The following NRIP1 variants were observed in gnomAD, a reference collection of about 807,000 sequenced individuals.
NRIP1 encodes nuclear receptor interacting protein 1, also known as nuclear receptor-interacting protein 1.
In NRIP1, 28 loss-of-function variants were observed where a neutral mutation model predicts 75.0. The ratio of observed to expected loss-of-function variants is 0.37; its 90% CI spans 0.28 to 0.51. The LOEUF is 0.51. NRIP1 is among the 20% of genes least tolerant of loss of function. NRIP1 has a pLI of 0.92. For missense variants in NRIP1, 1,435 were observed against 1,343.7 expected, an observed-to-expected ratio of 1.07 and a Z score of -1.06; for synonymous variants, 526 against 487.6, an observed-to-expected ratio of 1.08 and a Z score of -1.04.
rs1229509983 is a variant in NRIP1, at chr21:14,961,643, G to C, written c.*3073C>G. 1 of 152,408 alleles carries C rather than the reference G, an allele frequency of 6.6e-6. No individual in the cohort carries two copies. The highest frequency in any genetic ancestry group is 1.5e-5 in the Non-Finnish European group (1 of 67,904). The allele number at this position is 152,408 out of a possible 1,614,324, so 9.4% of individuals were successfully genotyped here. On this transcript the variant is annotated 3_prime_UTR_variant, in exon 4 of 4. Coordinates refer to ENST00000318948, the MANE Select transcript of NRIP1 (RefSeq NM_003489.4). Reference sequence around the variant, plus strand: ...GCTTAAACCACAGACGTCATGTCCAGAAATGGAATACTGTCATGTTAGGAT... The same window carrying C: ...GCTTAAACCACAGACGTCATGTCCACAAATGGAATACTGTCATGTTAGGAT...
At chr21:15,010,195 G>T (rs1358579390) in intron 3 of NRIP1, among the ~76,000 whole-genome samples, 1 of 152,200 alleles carries the variant, frequency 6.6e-6, no homozygotes, top group African/African-American at 2.4e-5. Flanking sequence ...AAAATTTTCA[G>T]ATATGCAAAC....
chr21:15,046,823 T>C (rs998344990), intron 1 of NRIP1, among the ~76,000 whole-genome samples: 1 of 152,188 alleles, frequency 6.6e-6, no homozygotes, highest in African/African-American at 2.4e-5. Context: ...TCGTGCACTT[T>C]TATGTTATCC....
At chr21:14,971,875 G>T (rs2086910357) in intron 3 of NRIP1, among the ~76,000 whole-genome samples, 2 of 152,158 alleles carry the variant, frequency 1.3e-5, no homozygotes, top group African/African-American at 2.4e-5. Flanking sequence ...AGATTTAAAA[G>T]GAAGATGAAT....
chr21:14,990,626 G>C (rs1318206923), intron 3 of NRIP1, among the ~76,000 whole-genome samples: 1 of 152,204 alleles, frequency 6.6e-6, no homozygotes, highest in African/African-American at 2.4e-5. Context: ...TCTTAAAAGA[G>C]ATGCTGGTGT....
chr21:14,968,186 G>C lies in NRIP1; in HGVS notation c.7C>G (p.His3Asp). The part of the protein sequence containing the change: MT[H>D]GEELGSDVHQ... The stretch of plus-strand genomic sequence containing the variant: ...ACATCAGAGCCAAGCTCTTCTCCAT[G>C]AGTCATGTTCAATAGAAGTGTTCAC... Residue 3 changes from histidine to aspartate, a missense_variant, in exon 4 of 4, where the codon CAT (histidine) becomes GAT (aspartate). Coordinates refer to ENST00000318948, the MANE Select transcript of NRIP1 (RefSeq NM_003489.4). 6.2e-7 allele frequency: 1 copy of C among 1,607,372 alleles called. No individual in the cohort carries two copies. Among genetic ancestry groups the C allele is most frequent in the Non-Finnish European group, 8.5e-7 (1 of 1,176,310 alleles).
At position 14,999,568 on chromosome 21, in the gene NRIP1, A is replaced by T. The variant is rs575231308; in HGVS notation, c.-335+14776T>A. On this transcript the variant is annotated intron_variant, in intron 3 of 3. Coordinates refer to ENST00000318948, the MANE Select transcript of NRIP1 (RefSeq NM_003489.4). ...TTAAAAAAAAAATCACTTTTTTAAA[A>T]GCTAGATGATTTGTGTTTTAGCCCT... Among the ~76,000 whole-genome samples the T allele has an allele frequency of 6.5e-4, 99 of 152,350 alleles. 1 individual carries two copies. The highest frequency in any genetic ancestry group is 2.3e-3 in the African/African-American group (96 of 41,596).
In NRIP1 at chr21:14,962,109, C is replaced by G. The variant is rs936057744; in HGVS notation, c.*2607G>C. 5 of 149,674 alleles carry G rather than the reference C, an allele frequency of 3.3e-5. No individual in the cohort carries two copies. The highest frequency in any genetic ancestry group is 1.2e-4 in the African/African-American group (5 of 40,952). 9.3% of individuals were successfully genotyped at this position (149,674 alleles called of 1,614,324 possible). A position where few individuals can be genotyped will look rare whatever the true frequency, so the allele number is the denominator to read the frequency against. On this transcript the variant is annotated 3_prime_UTR_variant, in exon 4 of 4. Coordinates refer to ENST00000318948, the MANE Select transcript of NRIP1 (RefSeq NM_003489.4). ...GCAGAGAATAAACAGGTAATGAATG[C>G]TACCTTACTGATGTCAATAAGCTGT...
rs753205102 is a variant in NRIP1, at chr21:14,965,641, T to A, written c.2552A>T (p.Asn851Ile). ...NNEMALLESKNLCMVPKKRKL... is the reference protein window; with the variant it reads ...NNEMALLESKILCMVPKKRKL... ...CCTTTTCTTAGGGACCATGCAAAGA[T>A]TCTTTGATTCTAGAAGTGCCATTTC... The change falls in exon 4 of 4, where the codon AAT (asparagine) becomes ATT (isoleucine). Residue 851 changes from asparagine to isoleucine, a missense_variant. By Grantham distance (149) the Asn-to-Ile change is moderately radical. Transcript: ENST00000318948. 5 of 1,613,276 alleles carry A rather than the reference T, an allele frequency of 3.1e-6. No individual in the cohort carries two copies. In the South Asian group the frequency reaches 3.3e-5, roughly 11 times the overall value.
chr21:15,050,993 G>A (rs1432143890), intron 1 of NRIP1: 1 of 434,438 alleles, frequency 2.3e-6, no homozygotes, highest in Non-Finnish European at 4.6e-6. Flanking sequence ...AGTAGCAGTA[G>A]CATTTACCTA....
chr21:14,993,615 T>C (rs886902654), intron 3 of NRIP1, among the ~76,000 whole-genome samples: 1 of 151,506 alleles, frequency 6.6e-6, no homozygotes, highest in Non-Finnish European at 1.5e-5. Flanking sequence ...ACCCCATCTC[T>C]AAAAAAATAA....
chr21:15,019,892 G>A (rs145308999), intron 2 of NRIP1, among the ~76,000 whole-genome samples: 301 of 152,172 alleles, frequency 2.0e-3, no homozygotes, highest in African/African-American at 6.5e-3. Flanking sequence ...AGCCAGGCAC[G>A]GTGGCTCACG....
rs1344080910 is a variant in NRIP1 at position 14,962,734 on chromosome 21, A to G, written c.*1982T>C. ...CTTCACTTCTCCATGATGTTGCATA[A>G]TACCCACTCCTATTACTGTATAATA... On this transcript the variant is annotated 3_prime_UTR_variant, in exon 4 of 4. Coordinates refer to ENST00000318948, the MANE Select transcript of NRIP1 (RefSeq NM_003489.4). The G allele has an allele frequency of 6.6e-6, 1 of 152,492 alleles. No homozygotes were observed. Among genetic ancestry groups the G allele is most frequent in the Non-Finnish European group, 1.5e-5 (1 of 67,952 alleles). 9.4% of individuals were successfully genotyped at this position (152,492 alleles called of 1,614,324 possible).
At chr21:14,981,329 T>C (rs1478406780) in intron 3 of NRIP1, among the ~76,000 whole-genome samples, 7 of 152,260 alleles carry the variant, frequency 4.6e-5, no homozygotes, top group Non-Finnish European at 1.0e-4. Flanking sequence ...TTTGCCCATC[T>C]ATCCATACAA....
intron 2 of NRIP1, among the ~76,000 whole-genome samples, chr21:15,026,052 C>A (rs2088511237): frequency 6.6e-6 from 1 of 152,082 alleles, no homozygotes; most frequent in Admixed American, 6.6e-5. Flanking sequence ...GTTTCCAGGA[C>A]AAGGTCTTGT....
At chr21:15,054,569 T>C (rs1176312287) in intron 1 of NRIP1, among the ~76,000 whole-genome samples, 1 of 152,164 alleles carries the variant, frequency 6.6e-6, no homozygotes, top group African/African-American at 2.4e-5. Context: ...AAGGAAAAAA[T>C]ATTGTTCCTT....
chr21:15,030,821 G>A (rs1488298352), intron 2 of NRIP1, among the ~76,000 whole-genome samples: 1 of 152,128 alleles, frequency 6.6e-6, no homozygotes, highest in Non-Finnish European at 1.5e-5. Flanking sequence ...CCCTTTCTAT[G>A]TGTATACACT....
chr21:15,005,857 C>G (rs917958936), intron 3 of NRIP1, among the ~76,000 whole-genome samples: 1 of 151,964 alleles, frequency 6.6e-6, no homozygotes, highest in Non-Finnish European at 1.5e-5. Flanking sequence ...AGTAAACAAC[C>G]CTTCCATTGT....
At chr21:15,043,921 C>T (rs910708305) in intron 1 of NRIP1, among the ~76,000 whole-genome samples, 1 of 152,132 alleles carries the variant, frequency 6.6e-6, no homozygotes, top group African/African-American at 2.4e-5. Flanking sequence ...CAGGTCCAAG[C>T]GATTCTCCCA....
chr21:15,055,375 C>T (rs140804171), intron 1 of NRIP1, among the ~76,000 whole-genome samples: 151 of 152,286 alleles, frequency 9.9e-4, no homozygotes, highest in African/African-American at 3.6e-3. Flanking sequence ...TCCAAATGTA[C>T]GTAACATGTA....
Sources: allele counts gnomAD v4.1 joint callset (sites outside exome capture counted in the v4.1 genomes callset), GRCh38; gene constraint gnomAD v4.1.1; transcripts MANE v1.5; gene names NCBI Gene and HGNC (gene_info 2026-07-23, HGNC 2026-07-21).